Variants in CNTN5 observed in about 807,000 individuals in gnomAD.
The protein encoded by CNTN5 is contactin 5.
In CNTN5, 77 loss-of-function variants were observed where a neutral mutation model predicts 129.1. The observed-to-expected ratio is 0.60, with a 90% CI of 0.50 to 0.72. CNTN5 has a LOEUF of 0.72. Ranked by LOEUF, CNTN5 falls within the 30% of genes least tolerant of loss-of-function variation. The probability of loss-of-function intolerance (pLI) is 0.00; values close to 1 mark genes in which losing one functional copy is unlikely to be tolerated. For missense variants in CNTN5, 1,478 were observed against 1,328.8 expected, an observed-to-expected ratio of 1.11 and a Z score of -1.75; for synonymous variants, 509 against 465.6, an observed-to-expected ratio of 1.09 and a Z score of -1.20.
intron 2 of CNTN5, among the ~76,000 whole-genome samples, chr11:99,373,327 G>A (rs1939945494): frequency 6.6e-6 from 1 of 152,158 alleles, no homozygotes. Flanking sequence ...AGGGTCAATA[G>A]AGAATAAGAG....
intron 3 of CNTN5, among the ~76,000 whole-genome samples, chr11:99,562,362 G>C (rs927167394): frequency 2.0e-4 from 30 of 152,040 alleles, no homozygotes; most frequent in African/African-American, 7.2e-4. Context: ...GTCATATACA[G>C]GGAATATACA....
intron 3 of CNTN5, among the ~76,000 whole-genome samples, chr11:99,650,686 T>G (rs1422141441): frequency 6.6e-6 from 1 of 151,958 alleles, no homozygotes; most frequent in Admixed American, 6.6e-5. Flanking sequence ...ACACTGGCAA[T>G]CTCTTGTGTG....
intron 1 of CNTN5, among the ~76,000 whole-genome samples, chr11:99,279,910 G>A (rs545357995): frequency 4.6e-5 from 7 of 151,436 alleles, no homozygotes; most frequent in Non-Finnish European, 1.0e-4. Flanking sequence ...TGTTTTAAAT[G>A]TCTGCGTCAT....
intron 13 of CNTN5, among the ~76,000 whole-genome samples, chr11:100,129,075 G>T (rs1464069581): frequency 6.6e-6 from 1 of 152,094 alleles, no homozygotes; most frequent in African/African-American, 2.4e-5. Context: ...CACTTTATTT[G>T]TTGTGATATC....
At chr11:99,028,971 G>A (rs956426661) in intron 1 of CNTN5, among the ~76,000 whole-genome samples, 2 of 151,702 alleles carry the variant, frequency 1.3e-5, no homozygotes, top group Non-Finnish European at 1.5e-5. Context: ...GAGTCATATG[G>A]ATTAAAGGAT....
intron 16 of CNTN5, among the ~76,000 whole-genome samples, chr11:100,236,693 CCT>C (rs1391172641): frequency 1.3e-5 from 2 of 152,068 alleles, no homozygotes; most frequent in Non-Finnish European, 2.9e-5. Context: ...AGCTGCCTTT[CCT>C]CTGATTGCCT....
intron 24 of CNTN5, among the ~76,000 whole-genome samples, chr11:100,355,638 A>G (rs1016253829): frequency 8.6e-5 from 13 of 151,786 alleles, no homozygotes; most frequent in African/African-American, 2.9e-4. Context: ...AATGGCTACA[A>G]CATTACTAGG....
chr11:99,390,250 C>G (rs1013174421), intron 2 of CNTN5, among the ~76,000 whole-genome samples: 1 of 151,890 alleles, frequency 6.6e-6, no homozygotes, highest in Non-Finnish European at 1.5e-5. Context: ...ACTGAGTAGC[C>G]AGGACTATGG....
chr11:99,964,825 C>A (rs1471577468), intron 8 of CNTN5, among the ~76,000 whole-genome samples: 7 of 152,084 alleles, frequency 4.6e-5, no homozygotes, highest in Admixed American at 3.9e-4. Context: ...TTAATTATTG[C>A]CTCAATTTCA....
At chr11:99,935,214 C>T (rs1950288789) in intron 7 of CNTN5, among the ~76,000 whole-genome samples, 1 of 151,514 alleles carries the variant, frequency 6.6e-6, no homozygotes, top group African/African-American at 2.4e-5. Context: ...CCATTGTCAA[C>T]CAGGGTTCCA....
At chr11:99,398,325 T>C (rs1430372028) in intron 2 of CNTN5, among the ~76,000 whole-genome samples, 10 of 152,030 alleles carry the variant, frequency 6.6e-5, no homozygotes, top group Non-Finnish European at 1.0e-4. Context: ...ATTTGTAATA[T>C]ATTTCTGTTC....
intron 1 of CNTN5, among the ~76,000 whole-genome samples, chr11:99,180,571 A>G (rs1301055023): frequency 6.6e-6 from 1 of 152,188 alleles, no homozygotes; most frequent in East Asian, 1.9e-4. Context: ...TTTCTCTGAA[A>G]CAGTGCTGGA....
At chr11:99,720,461 A>G (rs534342098) in intron 3 of CNTN5, among the ~76,000 whole-genome samples, 10 of 152,228 alleles carry the variant, frequency 6.6e-5, no homozygotes, top group African/African-American at 2.4e-4. Flanking sequence ...ATTCATCATC[A>G]CTTCATGTTA....
At chr11:99,024,907 G>C (rs938694077) in intron 1 of CNTN5, among the ~76,000 whole-genome samples, 2 of 151,902 alleles carry the variant, frequency 1.3e-5, no homozygotes, top group African/African-American at 4.8e-5. Context: ...TCTTAAGCTA[G>C]AATTTCTTGT....
At chr11:99,892,552 C>T (rs964623507) in intron 6 of CNTN5, among the ~76,000 whole-genome samples, 8 of 152,144 alleles carry the variant, frequency 5.3e-5, no homozygotes, top group Non-Finnish European at 1.0e-4. Context: ...TATGGCTAGC[C>T]AGTTTTCCCA....
intron 16 of CNTN5, 101 bp from the exon 17 acceptor site, chr11:100,255,659 G>A: frequency 3.1e-6 from 3 of 981,478 alleles, no homozygotes; most frequent in Non-Finnish European, 4.5e-6. Flanking sequence ...ATTTCATTAA[G>A]GTGATTACAT....
chr11:99,559,020 C>T (rs1565294921), intron 3 of CNTN5, among the ~76,000 whole-genome samples: 1 of 152,032 alleles, frequency 6.6e-6, no homozygotes, highest in Non-Finnish European at 1.5e-5. Flanking sequence ...CTCATTTTAT[C>T]ATACTATTTC....
intron 1 of CNTN5, among the ~76,000 whole-genome samples, chr11:99,293,973 C>CT (rs1555103643): frequency 1.3e-4 from 20 of 149,976 alleles, no homozygotes; most frequent in Non-Finnish European, 2.1e-4. Context: ...CATGTTATTG[C>CT]TTTTTTTTTA....
chr11:99,269,067 T>C (rs1383288617), intron 1 of CNTN5, among the ~76,000 whole-genome samples: 1 of 151,958 alleles, frequency 6.6e-6, no homozygotes, highest in Non-Finnish European at 1.5e-5. Context: ...TCCTCTGTTT[T>C]ATGTTTGTGT....
Sources: gnomAD v4.1 joint callset for allele counts (sites outside exome capture counted in the v4.1 genomes callset) on GRCh38, gnomAD v4.1.1 for gene constraint, MANE v1.5 for transcripts, NCBI Gene and HGNC (gene_info 2026-07-23, HGNC 2026-07-21) for gene names.